NAALAD2: variants seen among roughly 807,000 people sequenced by gnomAD.
NAALAD2 encodes the protein N-acetylated alpha-linked acidic dipeptidase 2, also known as N-acetylated-alpha-linked acidic dipeptidase 2.
In NAALAD2, 89 loss-of-function variants were observed where a neutral mutation model predicts 95.6. That is an observed-to-expected ratio of 0.93 (90% confidence interval 0.78 to 1.11). The LOEUF is 1.11. NAALAD2 is among the 50% of genes least tolerant of loss of function. The pLI is 0.00. For synonymous variants in NAALAD2, 264 were observed against 294.4 expected (o/e 0.90, Z 1.06); for missense variants, 894 against 872.4 (o/e 1.02, Z -0.31).
chr11:90,149,105 G>C lies in NAALAD2; in HGVS notation c.481G>C (p.Glu161Gln), dbSNP rs1214711579. Residue 161 changes from glutamate to glutamine, a missense_variant and splice_region_variant, in exon 4 of 19, where the codon GAG (glutamate) becomes CAG (glutamine). Physicochemically the swap from Glu to Gln is conservative, Grantham distance 29 (BLOSUM62 2). Transcript: ENST00000534061. ...YNAFSAQGMP[E>Q]GDLVYVNYAR... ...TGCTTTCTCAGCCCAAGGCATGCCA[G>C]AGGTAAAATAAAATACTTTTGTAAT... 1 of 1,564,834 alleles carries C rather than the reference G, an allele frequency of 6.4e-7. No individual in the cohort carries two copies. Among genetic ancestry groups the C allele is most frequent in the South Asian group, 1.1e-5 (1 of 87,224 alleles).
chr11:90,184,696 C>A (rs563128862), intron 18 of NAALAD2, among the ~76,000 whole-genome samples: 1 of 152,104 alleles, frequency 6.6e-6, no homozygotes, highest in South Asian at 2.1e-4. Flanking sequence ...CAGCATTCCC[C>A]CCTTGCCCCC....
At chr11:90,141,594 T>TTCTG (rs111312947) in intron 2 of NAALAD2, among the ~76,000 whole-genome samples, 1 of 151,094 alleles carries the variant, frequency 6.6e-6, no homozygotes, top group African/African-American at 2.4e-5. Context: ...TCTAAGAAGG[T>TTCTG]TTTGTTTGTT....
chr11:90,155,574 AAT>A (rs550696687), intron 6 of NAALAD2, among the ~76,000 whole-genome samples: 5,019 of 72,642 alleles, frequency 0.069, 591 homozygotes, highest in African/African-American at 0.23. Context: ...TATAATATAT[AAT>A]ATATATGTAA....
chr11:90,155,304 TG>T (rs1262105726), intron 6 of NAALAD2, among the ~76,000 whole-genome samples: 9 of 112,820 alleles, frequency 8.0e-5, no homozygotes, highest in African/African-American at 2.0e-4. Context: ...GTATATATAA[TG>T]TATATATTAT....
intron 14 of NAALAD2, among the ~76,000 whole-genome samples, 180 bp from the exon 15 acceptor site, chr11:90,175,792 C>T (rs993868234): frequency 6.6e-6 from 1 of 152,088 alleles, no homozygotes; most frequent in Non-Finnish European, 1.5e-5. Context: ...CAGCAATTTT[C>T]CTGCAGATTA....
At chr11:90,155,312 TTA>T (rs1330606722) in intron 6 of NAALAD2, among the ~76,000 whole-genome samples, 1 of 120,182 alleles carries the variant, frequency 8.3e-6, no homozygotes, top group Non-Finnish European at 1.6e-5. Context: ...AATGTATATA[TTA>T]TATATAATAT....
At chr11:90,177,384 T>C (rs1368311611) in intron 15 of NAALAD2, among the ~76,000 whole-genome samples, 1 of 151,650 alleles carries the variant, frequency 6.6e-6, no homozygotes, top group Non-Finnish European at 1.5e-5. Context: ...GAATATGTAT[T>C]CCCTAATTTT....
rs201794521 is a variant in NAALAD2, at chr11:90,189,797, C to T, written c.2034-1761C>T. On this transcript the variant is annotated intron_variant, in intron 18 of 18. Transcript: ENST00000534061. ...AAAAAAAAAAGAAATTTTGCATTAT[C>T]ACAACTCATCAGTGAATACTTACTA... Among the ~76,000 whole-genome samples, 9 of 151,936 alleles carry T rather than the reference C, an allele frequency of 5.9e-5. No homozygotes were observed. In the East Asian group the frequency reaches 1.7e-3, roughly 29 times the overall value.
At chr11:90,154,202 C>T (rs1346172184) in intron 6 of NAALAD2, among the ~76,000 whole-genome samples, 1 of 151,860 alleles carries the variant, frequency 6.6e-6, no homozygotes, top group East Asian at 1.9e-4. Flanking sequence ...GTTGTTACAA[C>T]AGACATACTT....
chr11:90,164,557 A>T (rs1237831792), intron 11 of NAALAD2, among the ~76,000 whole-genome samples: 1 of 152,122 alleles, frequency 6.6e-6, no homozygotes, highest in African/African-American at 2.4e-5. Context: ...ACAATTTGTG[A>T]TCACATCTTT....
At chr11:90,142,453 A>G (rs1590958563) in intron 2 of NAALAD2, among the ~76,000 whole-genome samples, 1 of 152,176 alleles carries the variant, frequency 6.6e-6, no homozygotes, top group East Asian at 1.9e-4. Flanking sequence ...TTTATTTCAT[A>G]TGAATGGAGC....
At chr11:90,169,395 T>C (rs900391609) in intron 12 of NAALAD2, 2 of 159,188 alleles carry the variant, frequency 1.3e-5, no homozygotes, top group Admixed American at 1.3e-4. Flanking sequence ...TTGTAACAAA[T>C]TTGAAGTAAG....
At position 90,176,123 on chromosome 11, in the gene NAALAD2, G is replaced by A. The variant is rs560521976; in HGVS notation, c.1593+61G>A. ...CATCTACAGTCCTTTGGCGAAGAAT[G>A]TCACTGAGTTGTTTGGCACCAGACA... On this transcript the variant is annotated intron_variant, in intron 15 of 18. Transcript: ENST00000534061. 95 of 1,338,048 alleles carry A rather than the reference G, an allele frequency of 7.1e-5. 1 individual carries two copies. The South Asian group carries it at 1.0e-3, about 14-fold the overall frequency. The allele number at this position is 1,338,048 out of a possible 1,614,324, so 82.9% of individuals were successfully genotyped here. A position where few individuals can be genotyped will look rare whatever the true frequency, so the allele number is the denominator to read the frequency against.
chr11:90,162,684 A>C (rs1292942327), intron 8 of NAALAD2: 1 of 211,356 alleles, frequency 4.7e-6, no homozygotes, highest in Non-Finnish European at 9.4e-6. Context: ...AGAAAATAAT[A>C]TAAAATAGAC....
At chr11:90,167,618 G>A (rs945948492) in intron 11 of NAALAD2, among the ~76,000 whole-genome samples, 2 of 152,184 alleles carry the variant, frequency 1.3e-5, no homozygotes, top group African/African-American at 4.8e-5. Flanking sequence ...GTCTGGTGGG[G>A]ACTTGGAGAA....
chr11:90,189,151 C>T (rs779717899), intron 18 of NAALAD2, among the ~76,000 whole-genome samples: 10 of 152,016 alleles, frequency 6.6e-5, no homozygotes, highest in African/African-American at 2.2e-4. Flanking sequence ...AATGCAGTTG[C>T]GGATTTTGAT....
intron 11 of NAALAD2, among the ~76,000 whole-genome samples, chr11:90,168,004 C>T (rs144000465): frequency 6.6e-6 from 1 of 152,192 alleles, no homozygotes; most frequent in Admixed American, 6.5e-5. Context: ...AAGATTTGTT[C>T]TTTTGCTCTT....
chr11:90,182,837 G>A, intron 17 of NAALAD2, 79 bp from the exon 18 acceptor site: 6 of 966,056 alleles, frequency 6.2e-6, no homozygotes, highest in Non-Finnish European at 9.6e-6. Flanking sequence ...ATTTTCCCAA[G>A]CCTTGTTTTT....
intron 12 of NAALAD2, chr11:90,169,834 C>T (rs1591006561): frequency 1.5e-5 from 7 of 471,858 alleles, no homozygotes; most frequent in South Asian, 1.3e-4. Context: ...ATCACTGTGA[C>T]AGCTGCTGCC....
Sources: allele counts gnomAD v4.1 joint callset (sites outside exome capture counted in the v4.1 genomes callset), GRCh38; gene constraint gnomAD v4.1.1; transcripts MANE v1.5; gene names NCBI Gene and HGNC (gene_info 2026-07-23, HGNC 2026-07-21).